NRSN1: variants seen among roughly 807,000 people sequenced by gnomAD.
NRSN1 encodes neurensin-1.
In NRSN1, 14 loss-of-function variants were observed where a neutral mutation model predicts 17.3. That is an observed-to-expected ratio of 0.81 (90% CI 0.54 to 1.27). The LOEUF is 1.27. Ranked by LOEUF, NRSN1 falls within the 50% of genes most tolerant of loss-of-function variation. The probability of loss-of-function intolerance (pLI) is 0.00; values close to 1 mark genes in which losing one functional copy is unlikely to be tolerated. For synonymous variants in NRSN1, 79 were observed against 94.2 expected (o/e 0.84, Z 0.93); for missense variants, 209 against 235.9 (o/e 0.89, Z 0.75).
Position 24,145,622 on chromosome 6 carries a change from C to A in NRSN1, c.264C>A (p.Pro88=). 1 of 1,613,792 alleles carries A rather than the reference C, an allele frequency of 6.2e-7. No homozygotes were observed. The highest frequency in any genetic ancestry group is 8.5e-7 in the Non-Finnish European group (1 of 1,179,828). The stretch of plus-strand genomic sequence containing the variant: ...TGGCAGTGGGCTTTCTTGTGCCCCC[C>A]AAAATCGAAGCATTTGGCGAAGCCG... The part of the protein sequence containing the change: ...TVLAVGFLVP[P]KIEAFGEADF... Residue 88 remains proline (P), a synonymous_variant, in exon 4 of 4, where the codon CCC becomes CCA. Coordinates refer to ENST00000378491, the MANE Select transcript of NRSN1 (RefSeq NM_080723.5). This position sits in a 1 kb window ranked among gnomAD's most constrained non-coding sequence, Gnocchi z 4.4.
At chr6:24,138,522 T>C (rs1760150459) in intron 3 of NRSN1, among the ~76,000 whole-genome samples, 1 of 152,194 alleles carries the variant, frequency 6.6e-6, no homozygotes, top group Non-Finnish European at 1.5e-5. Context: ...GTTATCTTCT[T>C]GCCTTCTCCT....
At position 24,146,407 on chromosome 6, in the gene NRSN1, A is replaced by T; in HGVS notation, c.*461A>T. 2.6e-6 allele frequency: 1 copy of T among 385,386 alleles called. No individual in the cohort carries two copies. The allele number at this position is 385,386 out of a possible 1,614,324, so 23.9% of individuals were successfully genotyped here. A position where few individuals can be genotyped will look rare whatever the true frequency, so the allele number is the denominator to read the frequency against. ...TCATATGTGTTCATAGAAACATGGA[A>T]TTCTCTGATTTTGAGCCGAACATGA... On this transcript the variant is annotated 3_prime_UTR_variant, in exon 4 of 4. Coordinates refer to ENST00000378491, the MANE Select transcript of NRSN1 (RefSeq NM_080723.5).
chr6:24,130,801 G>A (rs552164655), intron 2 of NRSN1, among the ~76,000 whole-genome samples: 49 of 152,130 alleles, frequency 3.2e-4, no homozygotes, highest in African/African-American at 8.9e-4. Context: ...CTAGTTGTTC[G>A]TTCAATAAAA....
At chr6:24,138,383 T>C (rs148653317) in intron 3 of NRSN1, among the ~76,000 whole-genome samples, 150 of 152,268 alleles carry the variant, frequency 9.9e-4, no homozygotes, top group African/African-American at 3.5e-3. Flanking sequence ...TTTTTTTTCA[T>C]ATCTTTGCCT....
intron 3 of NRSN1, among the ~76,000 whole-genome samples, chr6:24,139,836 T>C (rs145416877): frequency 1.3e-4 from 20 of 152,262 alleles, no homozygotes; most frequent in African/African-American, 3.9e-4. Context: ...GGAGGGAGGA[T>C]TGCTTCAGGC....
chr6:24,146,404 G>C lies in NRSN1; in HGVS notation c.*458G>C, dbSNP rs1309246935. 2 of 384,554 alleles carry C rather than the reference G, an allele frequency of 5.2e-6. No homozygotes were observed. Among genetic ancestry groups the C allele is most frequent in the African/African-American group, 4.2e-5 (2 of 47,334 alleles). The allele number at this position is 384,554 out of a possible 1,614,324, so 23.8% of individuals were successfully genotyped here. On this transcript the variant is annotated 3_prime_UTR_variant, in exon 4 of 4. Coordinates refer to ENST00000378491, the MANE Select transcript of NRSN1 (RefSeq NM_080723.5). ...TTGTCATATGTGTTCATAGAAACAT[G>C]GAATTCTCTGATTTTGAGCCGAACA...
At chr6:24,140,190 A>C (rs1342363391) in intron 3 of NRSN1, among the ~76,000 whole-genome samples, 2 of 152,228 alleles carry the variant, frequency 1.3e-5, no homozygotes. Flanking sequence ...AGCAGGTTTA[A>C]GGAAATCGTG....
chr6:24,127,412 G>A (rs759756196), intron 1 of NRSN1, among the ~76,000 whole-genome samples: 38 of 152,126 alleles, frequency 2.5e-4, no homozygotes, highest in Non-Finnish European at 1.9e-4. Flanking sequence ...ATGGGGACCT[G>A]TTCATTAGAA....
intron 1 of NRSN1, among the ~76,000 whole-genome samples, chr6:24,127,825 T>C (rs1759971612): frequency 6.6e-6 from 1 of 152,218 alleles, no homozygotes; most frequent in Non-Finnish European, 1.5e-5. Flanking sequence ...TATTTGGAAT[T>C]ACTAACAACA....
At chr6:24,135,186 G>A in intron 3 of NRSN1, among the ~76,000 whole-genome samples, 1 of 152,164 alleles carries the variant, frequency 6.6e-6, no homozygotes, top group East Asian at 1.9e-4. Flanking sequence ...TGTAAACAAA[G>A]AAACCACATG....
chr6:24,128,445 T>C lies in NRSN1; in HGVS notation c.-10+245T>C, dbSNP rs13207933. Among the ~76,000 whole-genome samples the C allele has an allele frequency of 4.6e-3, 698 of 152,368 alleles. 2 individuals are homozygous for C. The highest frequency in any genetic ancestry group is 0.02 in the Middle Eastern group (6 of 294). On this transcript the variant is annotated intron_variant, in intron 2 of 3. Coordinates refer to ENST00000378491, the MANE Select transcript of NRSN1 (RefSeq NM_080723.5). ...TCCACTGACTTTGAAGGTATTTTAATAACTCAATATAAAGCCACAATCTCT... is the reference window on the plus strand; with the variant it reads ...TCCACTGACTTTGAAGGTATTTTAACAACTCAATATAAAGCCACAATCTCT...
intron 3 of NRSN1, among the ~76,000 whole-genome samples, chr6:24,136,418 C>T (rs1391979358): frequency 1.3e-5 from 2 of 152,188 alleles, no homozygotes; most frequent in African/African-American, 2.4e-5. Flanking sequence ...GTCAAGTCAG[C>T]ATCCTTGCCC....
intron 3 of NRSN1, among the ~76,000 whole-genome samples, chr6:24,140,595 G>T (rs566784663): frequency 3.3e-5 from 5 of 152,192 alleles, no homozygotes; most frequent in African/African-American, 1.2e-4. Context: ...CTCTTGATGC[G>T]CTTCCCCTAA....
intron 2 of NRSN1, 145 bp downstream of exon 2, chr6:24,128,345 AT>A (rs745890316): frequency 6.6e-6 from 1 of 152,230 alleles, no homozygotes; most frequent in Admixed American, 6.5e-5. Flanking sequence ...ATCTTGAAGA[AT>A]TAAAGTAAAT....
chr6:24,137,301 T>G (rs767582467), intron 3 of NRSN1, among the ~76,000 whole-genome samples: 35 of 152,228 alleles, frequency 2.3e-4, no homozygotes, highest in Admixed American at 4.6e-4. Flanking sequence ...ATAACATCTA[T>G]TTCACAGTAT....
At position 24,147,330 on chromosome 6, in the gene NRSN1, A is replaced by G. The variant is rs1042176624; in HGVS notation, c.*1384A>G. 6.6e-6 allele frequency: 1 copy of G among 151,348 alleles called. No individual in the cohort carries two copies. The highest frequency in any genetic ancestry group is 1.5e-5 in the Non-Finnish European group (1 of 67,862). The allele number at this position is 151,348 out of a possible 1,614,324, so 9.4% of individuals were successfully genotyped here. On this transcript the variant is annotated 3_prime_UTR_variant, in exon 4 of 4. Coordinates refer to ENST00000378491, the MANE Select transcript of NRSN1 (RefSeq NM_080723.5). Reference sequence around the variant, plus strand: ...GAAAAATGGATGGTATTTTCTTAAAATTGTGCCACCTTAGAGCCCCCCCCC... The same window carrying G: ...GAAAAATGGATGGTATTTTCTTAAAGTTGTGCCACCTTAGAGCCCCCCCCC...
chr6:24,141,145 A>C, intron 3 of NRSN1: 1 of 1,275,210 alleles, frequency 7.8e-7, no homozygotes, highest in Non-Finnish European at 1.0e-6. Context: ...GTGGCCCTAA[A>C]CGAGGCTGCT....
chr6:24,134,821 C>A (rs1010585780), intron 3 of NRSN1, among the ~76,000 whole-genome samples: 1 of 152,064 alleles, frequency 6.6e-6, no homozygotes, highest in Non-Finnish European at 1.5e-5. Flanking sequence ...CATCCATAGG[C>A]AAAACATTAT....
intron 3 of NRSN1, among the ~76,000 whole-genome samples, chr6:24,142,749 G>A (rs1480786011): frequency 6.6e-6 from 1 of 152,176 alleles, no homozygotes; most frequent in Non-Finnish European, 1.5e-5. Context: ...GCAGACCCTG[G>A]CAGTGAGTGT....
Sources: allele counts gnomAD v4.1 joint callset (sites outside exome capture counted in the v4.1 genomes callset), GRCh38; gene constraint gnomAD v4.1.1; non-coding constraint Gnocchi (gnomAD v3.1); transcripts MANE v1.5; gene names NCBI Gene and HGNC (gene_info 2026-07-23, HGNC 2026-07-21).